The following SESTD1 variants were observed in gnomAD, a reference collection of about 807,000 sequenced individuals.
SESTD1 encodes SEC14 and spectrin domain containing 1.
SESTD1 carries 43 observed loss-of-function variants against 101.7 expected under a neutral mutation model. The ratio of observed to expected loss-of-function variants is 0.42; its 90% confidence interval spans 0.33 to 0.55. The LOEUF is 0.55. SESTD1 is among the 20% of genes least tolerant of loss of function. The pLI is 0.07. For missense variants in SESTD1, 647 were observed against 815.1 expected (o/e 0.79, Z 2.51); for synonymous variants, 283 against 286.8 (o/e 0.99, Z 0.13).
At chr2:179,234,670 T>C (rs562694820) in intron 1 of SESTD1, among the ~76,000 whole-genome samples, 2 of 152,180 alleles carry the variant, frequency 1.3e-5, no homozygotes, top group East Asian at 3.9e-4. Context: ...AGTATGGGTG[T>C]CCTGACAAGA....
chr2:179,114,568 T>C (rs142471907), intron 16 of SESTD1, among the ~76,000 whole-genome samples: 320 of 152,344 alleles, frequency 2.1e-3, no homozygotes, highest in African/African-American at 7.1e-3. Flanking sequence ...ATTCATTGAA[T>C]AATAAATTCT....
chr2:179,121,962 C>G, intron 12 of SESTD1, 33 bp from the exon 13 acceptor site: 1 of 1,573,256 alleles, frequency 6.4e-7, no homozygotes. Context: ...TAATCTCTTA[C>G]ACAACTAAGG....
chr2:179,195,890 A>G (rs2046383864), intron 1 of SESTD1, among the ~76,000 whole-genome samples: 3 of 152,012 alleles, frequency 2.0e-5, no homozygotes, highest in African/African-American at 4.8e-5. Context: ...AAAATCTCGT[A>G]TGGTAAATTC....
At chr2:179,248,364 C>G (rs758576417) in intron 1 of SESTD1, among the ~76,000 whole-genome samples, 5 of 152,094 alleles carry the variant, frequency 3.3e-5, no homozygotes, top group Non-Finnish European at 7.4e-5. Flanking sequence ...GGAATTAACA[C>G]CAATTCTACA....
At chr2:179,241,791 G>A (rs192631879) in intron 1 of SESTD1, among the ~76,000 whole-genome samples, 9 of 152,086 alleles carry the variant, frequency 5.9e-5, no homozygotes, top group East Asian at 3.9e-4. Flanking sequence ...GCATGGTGGC[G>A]GGTACCTGTA....
At chr2:179,236,514 A>T (rs548508201) in intron 1 of SESTD1, among the ~76,000 whole-genome samples, 194 of 152,094 alleles carry the variant, frequency 1.3e-3, no homozygotes, top group Admixed American at 2.6e-3. Context: ...TAATTTTTTT[A>T]AATTATATGT....
chr2:179,196,469 C>T (rs2046395694), intron 1 of SESTD1, among the ~76,000 whole-genome samples: 1 of 152,264 alleles, frequency 6.6e-6, no homozygotes, highest in Non-Finnish European at 1.5e-5. Context: ...CTAAAGGAGG[C>T]CTGCTTGCCT....
chr2:179,121,601 CTA>C (rs2044752495), intron 13 of SESTD1, among the ~76,000 whole-genome samples, 167 bp downstream of exon 13: 1 of 151,814 alleles, frequency 6.6e-6, no homozygotes, highest in South Asian at 2.1e-4. Flanking sequence ...TAAATTATTA[CTA>C]TGTTAGTAAA....
chr2:179,227,309 T>C (rs2046902180), intron 1 of SESTD1, among the ~76,000 whole-genome samples: 1 of 152,234 alleles, frequency 6.6e-6, no homozygotes, highest in Admixed American at 6.6e-5. Context: ...TCACTTTAGT[T>C]ATCTATGAAA....
intron 1 of SESTD1, among the ~76,000 whole-genome samples, chr2:179,206,612 G>C (rs1390819913): frequency 7.4e-6 from 1 of 135,116 alleles, no homozygotes; most frequent in East Asian, 2.0e-4. Context: ...ACAGGGTGAA[G>C]GATGCTCCTA....
intron 1 of SESTD1, among the ~76,000 whole-genome samples, chr2:179,232,831 G>T (rs1330036375): frequency 6.6e-6 from 1 of 152,136 alleles, no homozygotes; most frequent in Non-Finnish European, 1.5e-5. Flanking sequence ...TCCATTTTGT[G>T]TACAGAGAAC....
intron 3 of SESTD1, among the ~76,000 whole-genome samples, chr2:179,180,153 G>C (rs1014990412): frequency 5.3e-5 from 8 of 152,132 alleles, no homozygotes; most frequent in Non-Finnish European, 1.0e-4. Context: ...AAAGAGTCAA[G>C]AAATGCTTCC....
chr2:179,179,286 T>C (rs1345101801), intron 3 of SESTD1, among the ~76,000 whole-genome samples: 3 of 152,174 alleles, frequency 2.0e-5, no homozygotes, highest in Non-Finnish European at 4.4e-5. Context: ...TTTATAACTA[T>C]ACTTTAAGAA....
intron 5 of SESTD1, among the ~76,000 whole-genome samples, chr2:179,159,324 T>A (rs1384448500): frequency 3.3e-5 from 5 of 152,136 alleles, no homozygotes; most frequent in Admixed American, 1.3e-4. Flanking sequence ...GACAACTGCT[T>A]CCCAGAGGAC....
intron 1 of SESTD1, among the ~76,000 whole-genome samples, chr2:179,227,783 A>T (rs2046911417): frequency 6.6e-6 from 1 of 152,052 alleles, no homozygotes; most frequent in Non-Finnish European, 1.5e-5. Flanking sequence ...TTGGGGGGAA[A>T]ATGAGCAGAG....
intron 1 of SESTD1, among the ~76,000 whole-genome samples, chr2:179,240,363 TCTCA>T (rs946169835): frequency 6.6e-6 from 1 of 152,100 alleles, no homozygotes; most frequent in Non-Finnish European, 1.5e-5. Flanking sequence ...TTCCTATTCC[TCTCA>T]CTAAGTACAA....
At chr2:179,133,649 T>C (rs1011137783) in intron 9 of SESTD1, among the ~76,000 whole-genome samples, 11 of 152,162 alleles carry the variant, frequency 7.2e-5, no homozygotes, top group Admixed American at 5.9e-4. Context: ...AAGAAGTGAA[T>C]GGGGATATCT....
intron 5 of SESTD1, 48 bp from the exon 6 acceptor site, chr2:179,151,439 A>G: frequency 7.2e-7 from 1 of 1,397,666 alleles, no homozygotes; most frequent in South Asian, 1.4e-5. Flanking sequence ...CCACTATTAA[A>G]ATCCACGAAA....
chr2:179,252,654 AC>A (rs950819678), intron 1 of SESTD1, among the ~76,000 whole-genome samples: 12 of 152,100 alleles, frequency 7.9e-5, no homozygotes, highest in Non-Finnish European at 1.6e-4. Flanking sequence ...TTTTGGTTTG[AC>A]TTGGTTAAAT....
Sources: allele counts gnomAD v4.1 joint callset (sites outside exome capture counted in the v4.1 genomes callset), GRCh38; gene constraint gnomAD v4.1.1; transcripts MANE v1.5; gene names NCBI Gene and HGNC (gene_info 2026-07-23, HGNC 2026-07-21).